Variants in OPA1 observed in about 807,000 individuals in gnomAD.
The protein encoded by OPA1 is dynamin-like GTPase OPA1, mitochondrial.
OPA1 carries 59 observed loss-of-function variants against 152.9 expected under a neutral mutation model. That is an observed-to-expected ratio of 0.39 (90% CI 0.31 to 0.48). The LOEUF (loss-of-function observed/expected upper bound fraction) is 0.48, where lower values mean the gene tolerates loss of function less well. Ranked by LOEUF, OPA1 falls within the 20% of genes least tolerant of loss-of-function variation. The pLI is 0.96. For missense variants in OPA1, 1,008 were observed against 1,216.8 expected (o/e 0.83, Z 2.55); for synonymous variants, 400 against 389.9 (o/e 1.03, Z -0.31).
intron 29 of OPA1, among the ~76,000 whole-genome samples, chr3:193,676,568 G>A (rs1001597480): frequency 6.6e-6 from 1 of 152,186 alleles, no homozygotes; most frequent in African/African-American, 2.4e-5. Flanking sequence ...TTTACACACA[G>A]AATTCCACAT....
intron 17 of OPA1, 21 bp from the exon 18 acceptor site, chr3:193,645,707 T>G (rs199768093): frequency 1.2e-6 from 2 of 1,612,384 alleles, no homozygotes; most frequent in Non-Finnish European, 1.7e-6. Context: ...TGATGAAAAT[T>G]TGACCATCAT....
intron 21 of OPA1, among the ~76,000 whole-genome samples, chr3:193,654,652 CAGAA>C (rs1268413922): frequency 2.0e-5 from 3 of 152,102 alleles, no homozygotes; most frequent in East Asian, 1.9e-4. Flanking sequence ...ATCACAGTGA[CAGAA>C]AGCAGTTCCA....
chr3:193,618,337 G>T (rs995679475), intron 5 of OPA1, among the ~76,000 whole-genome samples: 1 of 151,988 alleles, frequency 6.6e-6, no homozygotes, highest in Non-Finnish European at 1.5e-5. Context: ...AATTTGCCGG[G>T]CGTGGTGGCA....
chr3:193,645,878 C>G, intron 18 of OPA1, 78 bp downstream of exon 18: 1 of 1,137,470 alleles, frequency 8.8e-7, no homozygotes, highest in Non-Finnish European at 1.3e-6. Flanking sequence ...CTTAAAACAT[C>G]AGGTTTTATA....
At chr3:193,651,132 T>G (rs993814151) in intron 21 of OPA1, among the ~76,000 whole-genome samples, 1 of 152,142 alleles carries the variant, frequency 6.6e-6, no homozygotes, top group Admixed American at 6.6e-5. Context: ...ATATTGGGTT[T>G]ATTAACCATA....
intron 16 of OPA1, among the ~76,000 whole-genome samples, chr3:193,644,644 A>C (rs1734264973): frequency 6.6e-6 from 1 of 152,034 alleles, no homozygotes; most frequent in Non-Finnish European, 1.5e-5. Flanking sequence ...AGCCACCATA[A>C]CCTCTGTTCT....
At position 193,682,469 on chromosome 3, in the gene OPA1, TA is replaced by T. The variant is rs1720307290; in HGVS notation, c.2984-9593del. Reference sequence around the variant, plus strand: ...TCTTGATGCAGATGAAGTAGCTGTCTATTGGAAGACGATGCCATCTAGTAAT... The same window carrying T: ...TCTTGATGCAGATGAAGTAGCTGTCTTTGGAAGACGATGCCATCTAGTAAT... On this transcript the variant is annotated intron_variant, in intron 29 of 30. Transcript: ENST00000361510. Among the ~76,000 whole-genome samples the T allele has an allele frequency of 2.0e-5, 3 of 152,202 alleles. No individual in the cohort carries two copies. The South Asian group carries it at 6.2e-4, about 32-fold the overall frequency.
chr3:193,682,445 C>A (rs1222768502), intron 29 of OPA1, among the ~76,000 whole-genome samples: 1 of 152,124 alleles, frequency 6.6e-6, no homozygotes, highest in Non-Finnish European at 1.5e-5. Context: ...ACAACAGATT[C>A]TTGATGCAGA....
chr3:193,599,004 T>G (rs947605435), intron 1 of OPA1, among the ~76,000 whole-genome samples: 1 of 152,204 alleles, frequency 6.6e-6, no homozygotes, highest in Admixed American at 6.5e-5. Context: ...TTGTGGTGAT[T>G]GGTGACTTTC....
chr3:193,640,033 G>T (rs914174458), intron 11 of OPA1, among the ~76,000 whole-genome samples: 1 of 152,152 alleles, frequency 6.6e-6, no homozygotes, highest in Non-Finnish European at 1.5e-5. Flanking sequence ...AGTGGATCAG[G>T]TTTGGGGGAA....
intron 1 of OPA1, among the ~76,000 whole-genome samples, chr3:193,602,460 G>GT (rs916512970): frequency 6.6e-6 from 1 of 152,050 alleles, no homozygotes; most frequent in African/African-American, 2.4e-5. Context: ...ATACTTTGGC[G>GT]TAATACATTA....
At chr3:193,646,191 T>C (rs374228795) in intron 18 of OPA1, among the ~76,000 whole-genome samples, 1 of 152,190 alleles carries the variant, frequency 6.6e-6, no homozygotes, top group Non-Finnish European at 1.5e-5. Context: ...TAGATATATA[T>C]TGACAGGAGA....
intron 22 of OPA1, among the ~76,000 whole-genome samples, chr3:193,656,323 A>G (rs1189544368): frequency 6.6e-6 from 1 of 151,822 alleles, no homozygotes; most frequent in Non-Finnish European, 1.5e-5. Context: ...TCACCCCACC[A>G]CTCACTCCGT....
intron 21 of OPA1, among the ~76,000 whole-genome samples, chr3:193,653,904 C>G (rs1466783): frequency 0.43 from 64,593 of 151,958 alleles, 14,005 homozygotes; most frequent in Non-Finnish European, 0.44. Flanking sequence ...ACAGACTATA[C>G]CAAGTGTTGG....
intron 1 of OPA1, among the ~76,000 whole-genome samples, chr3:193,607,777 G>GT (rs1262660921): frequency 1.3e-5 from 2 of 152,152 alleles, no homozygotes; most frequent in Non-Finnish European, 2.9e-5. Flanking sequence ...CTTTAAAGTA[G>GT]TTTTTTCCAA....
chr3:193,670,382 C>G (rs1045147753), intron 29 of OPA1, among the ~76,000 whole-genome samples: 4 of 151,644 alleles, frequency 2.6e-5, no homozygotes, highest in Non-Finnish European at 5.9e-5. Context: ...GAGACTTCCC[C>G]CCCACCTTTT....
chr3:193,643,168 TAA>T, intron 13 of OPA1, 119 bp downstream of exon 13: 1 of 933,760 alleles, frequency 1.1e-6, no homozygotes. Flanking sequence ...GTAGAGCTTT[TAA>T]AAAAAAATCC....
At position 193,643,053 on chromosome 3, in the gene OPA1, A is replaced by G. The variant is rs1734019105; in HGVS notation, c.1305+4A>G. The stretch of plus-strand genomic sequence containing the variant: ...AGGCTGTACCGTTAGCCCTGAGGTA[A>G]GGGTTGCAATTCATTTCAGTGACGT... On this transcript the variant is annotated splice_donor_region_variant and intron_variant, in intron 13 of 30. Coordinates refer to ENST00000361510, the MANE Select transcript of OPA1 (RefSeq NM_130837.3). 10 of 1,608,754 alleles carry G rather than the reference A, an allele frequency of 6.2e-6. No individual in the cohort carries two copies. The highest frequency in any genetic ancestry group is 8.5e-6 in the Non-Finnish European group (10 of 1,175,204).
chr3:193,636,390 T>G (rs370120334), intron 9 of OPA1, among the ~76,000 whole-genome samples: 36 of 149,512 alleles, frequency 2.4e-4, no homozygotes, highest in African/African-American at 8.6e-4. Flanking sequence ...ATTTTTTGTT[T>G]ATTTTTAGGC....
Sources: allele counts gnomAD v4.1 joint callset (sites outside exome capture counted in the v4.1 genomes callset), GRCh38; gene constraint gnomAD v4.1.1; transcripts MANE v1.5; gene names NCBI Gene and HGNC (gene_info 2026-07-23, HGNC 2026-07-21).